FBXO36: variants seen among roughly 807,000 people sequenced by gnomAD.
The protein encoded by FBXO36 is F-box protein 36.
A neutral mutation model predicts 17.0 loss-of-function variants in FBXO36; 18 were observed. That is an observed-to-expected ratio of 1.06 (90% CI 0.73 to 1.57). The LOEUF is 1.57. Ranked by LOEUF, FBXO36 falls within the 40% of genes most tolerant of loss-of-function variation. The pLI, the probability that FBXO36 is intolerant of heterozygous loss-of-function variation, is 0.00. For synonymous variants in FBXO36, 83 were observed against 85.3 expected, an observed-to-expected ratio of 0.97 and a Z score of 0.15; for missense variants, 229 against 221.9, an observed-to-expected ratio of 1.03 and a Z score of -0.20.
chr2:230,005,617 A>T (rs112717244), intron 3 of FBXO36, among the ~76,000 whole-genome samples: 3 of 152,240 alleles, frequency 2.0e-5, no homozygotes, highest in Admixed American at 6.5e-5. Flanking sequence ...AAAGGAAATA[A>T]GTATGTACCT....
intron 1 of FBXO36, among the ~76,000 whole-genome samples, chr2:229,923,847 G>GTTTTTTTTTTTTTTTTTTTTTTTTTTT (rs71045800): frequency 2.6e-5 from 2 of 77,710 alleles, no homozygotes; most frequent in Admixed American, 1.6e-4. Flanking sequence ...TTTTGGTGTT[G>GTTTTTTTTTTTTTTTTTTTTTTTTTTT]TTTTTTTTTT....
At chr2:229,940,351 A>G (rs57734375) in intron 1 of FBXO36, among the ~76,000 whole-genome samples, 1 of 152,182 alleles carries the variant, frequency 6.6e-6, no homozygotes, top group African/African-American at 2.4e-5. Flanking sequence ...ATGGATACGT[A>G]AAGACATAGT....
chr2:229,925,576 C>T (rs1025774541), intron 1 of FBXO36, among the ~76,000 whole-genome samples: 1 of 151,840 alleles, frequency 6.6e-6, no homozygotes, highest in Non-Finnish European at 1.5e-5. Context: ...TGTATATTAT[C>T]CAAATTATGC....
At position 229,945,178 on chromosome 2, in the gene FBXO36, TTGTAA is replaced by T. The variant is rs1560435406; in HGVS notation, c.96+22570_96+22574del. ...AGACAGCAGTGAGGTAAAGGAGAGT[TTGTAA>T]GTCATTCATAACCAACACTACCCAT... On this transcript the variant is annotated intron_variant, in intron 1 of 3. Coordinates refer to ENST00000283946, the MANE Select transcript of FBXO36 (RefSeq NM_174899.5). 4.6e-5 allele frequency: 7 copies of T among 152,234 alleles called. No homozygotes were observed. In the South Asian group the frequency reaches 1.5e-3, roughly 32 times the overall value. The allele number at this position is 152,234 out of a possible 1,614,324, so 9.4% of individuals were successfully genotyped here. A position where few individuals can be genotyped will look rare whatever the true frequency, so the allele number is the denominator to read the frequency against.
intron 1 of FBXO36, among the ~76,000 whole-genome samples, chr2:229,955,424 TAGGATCCCTTGAATCC>T (rs2077082268): frequency 6.6e-6 from 1 of 151,644 alleles, no homozygotes; most frequent in South Asian, 2.1e-4. Context: ...GCTGAGGTGG[TAGGATCCCTTGAATCC>T]AGGAGGTCAA....
At position 229,987,915 on chromosome 2, in the gene FBXO36, T is replaced by C. The variant is rs1009155574; in HGVS notation, c.206-8836T>C. ...TCCCAAAGTGCTGGGATTATAGACA[T>C]GAGCCACTGCACCTTGCCTAAATCA... On this transcript the variant is annotated intron_variant, in intron 2 of 3. Transcript: ENST00000283946. 5.9e-5 allele frequency among the ~76,000 whole-genome samples: 9 copies of C among 152,304 alleles called. No individual in the cohort carries two copies. In the South Asian group the frequency reaches 1.9e-3, roughly 32 times the overall value.
intron 1 of FBXO36, among the ~76,000 whole-genome samples, chr2:229,947,983 T>C (rs1446805239): frequency 1.3e-5 from 2 of 152,158 alleles, no homozygotes; most frequent in Non-Finnish European, 2.9e-5. Flanking sequence ...AGGAGGGATG[T>C]CACTAAGGAC....
At position 229,976,327 on chromosome 2, in the gene FBXO36, C is replaced by T; in HGVS notation, c.183C>T (p.Phe61=). The change falls in exon 2 of 4, where the codon TTC becomes TTT. Residue 61 remains phenylalanine, a synonymous_variant. Transcript: ENST00000283946. ...AAGCAAAAGAAACCCATGAAGACTT[C>T]CTAGAGAATTCACATCTTCAAGGTA... ...PGEAKETHED[F]LENSHLQGQT... The T allele has an allele frequency of 1.9e-6, 3 of 1,612,910 alleles. No individual in the cohort carries two copies. The highest frequency in any genetic ancestry group is 1.3e-5 in the African/African-American group (1 of 75,002).
At chr2:229,995,648 A>G (rs1577360647) in intron 2 of FBXO36, among the ~76,000 whole-genome samples, 1 of 128,452 alleles carries the variant, frequency 7.8e-6, no homozygotes, top group African/African-American at 3.0e-5. Flanking sequence ...GTTGGAGTGC[A>G]ATGGCATGAT....
At chr2:229,950,354 A>G (rs2077051187) in intron 1 of FBXO36, among the ~76,000 whole-genome samples, 1 of 152,080 alleles carries the variant, frequency 6.6e-6, no homozygotes, top group African/African-American at 2.4e-5. Context: ...TGAACCCAGG[A>G]GGCAGAGGTT....
At chr2:229,949,969 C>T (rs7558844) in intron 1 of FBXO36, among the ~76,000 whole-genome samples, 4,980 of 152,218 alleles carry the variant, frequency 0.033, 269 homozygotes, top group African/African-American at 0.11. Flanking sequence ...AAATGAGACA[C>T]ATTAGATGGC....
At chr2:229,931,329 T>C (rs1021566322) in intron 1 of FBXO36, among the ~76,000 whole-genome samples, 5 of 152,094 alleles carry the variant, frequency 3.3e-5, no homozygotes, top group African/African-American at 9.7e-5. Flanking sequence ...GGCAGTTAAT[T>C]TGGTCTCACC....
chr2:229,937,616 C>T (rs867758610), intron 1 of FBXO36, among the ~76,000 whole-genome samples: 1 of 152,208 alleles, frequency 6.6e-6, no homozygotes, highest in South Asian at 2.1e-4. Context: ...GCCTCGCCAC[C>T]CTGGCTCTCC....
At chr2:229,961,920 C>A (rs2077123479) in intron 1 of FBXO36, among the ~76,000 whole-genome samples, 1 of 152,090 alleles carries the variant, frequency 6.6e-6, no homozygotes, top group Admixed American at 6.6e-5. Context: ...GTGGCTCATG[C>A]CTGTAAACCC....
At chr2:230,000,127 G>A (rs1427267698) in intron 3 of FBXO36, among the ~76,000 whole-genome samples, 4 of 152,012 alleles carry the variant, frequency 2.6e-5, no homozygotes. Context: ...GGAGGCCGAG[G>A]TGGGTGGATC....
intron 2 of FBXO36, among the ~76,000 whole-genome samples, chr2:229,980,737 G>A (rs75516638): frequency 0.014 from 2,151 of 152,206 alleles, 51 homozygotes; most frequent in African/African-American, 0.048. Context: ...CAGCAGGCCT[G>A]CCTCCCTGCT....
intron 1 of FBXO36, among the ~76,000 whole-genome samples, chr2:229,973,058 T>G (rs546082837): frequency 6.8e-6 from 1 of 147,774 alleles, no homozygotes; most frequent in African/African-American, 2.5e-5. Context: ...AGACTCTGTC[T>G]CAAAAAAAAA....
intron 3 of FBXO36, among the ~76,000 whole-genome samples, chr2:230,006,865 G>T (rs2077389466): frequency 6.6e-6 from 1 of 152,230 alleles, no homozygotes; most frequent in South Asian, 2.1e-4. Context: ...GCCAGACTGT[G>T]TAGGGACTCT....
chr2:229,939,860 TCAC>T (rs1291836934), intron 1 of FBXO36, among the ~76,000 whole-genome samples: 1 of 152,136 alleles, frequency 6.6e-6, no homozygotes, highest in Non-Finnish European at 1.5e-5. Flanking sequence ...GGTGGGCGGA[TCAC>T]CCGAGGTCGG....
Sources: gnomAD v4.1 joint callset for allele counts (sites outside exome capture counted in the v4.1 genomes callset) on GRCh38, gnomAD v4.1.1 for gene constraint, MANE v1.5 for transcripts, NCBI Gene and HGNC (gene_info 2026-07-23, HGNC 2026-07-21) for gene names.